The following DLGAP2 variants were observed in gnomAD, a reference collection of about 807,000 sequenced individuals.
DLGAP2 encodes DLG associated protein 2.
Under a neutral mutation model 100.3 loss-of-function variants are expected in DLGAP2, and 26 were observed. That is an observed-to-expected ratio of 0.26 (90% CI 0.19 to 0.36). DLGAP2 has a LOEUF of 0.36. DLGAP2 is among the 10% of genes least tolerant of loss of function. The probability of loss-of-function intolerance (pLI) is 1.00; values close to 1 mark genes in which losing one functional copy is unlikely to be tolerated. For missense variants in DLGAP2, 1,858 were observed against 1,453.2 expected, an observed-to-expected ratio of 1.28 and a Z score of -4.53; for synonymous variants, 886 against 630.1, an observed-to-expected ratio of 1.41 and a Z score of -6.08.
At chr8:1,634,609 T>A (rs1299101819) in intron 8 of DLGAP2, among the ~76,000 whole-genome samples, 9 of 152,214 alleles carry the variant, frequency 5.9e-5, no homozygotes, top group Non-Finnish European at 2.9e-5. Context: ...AGATTTACAA[T>A]GATTGCATTG....
intron 1 of DLGAP2, among the ~76,000 whole-genome samples, chr8:840,489 C>T (rs1585919555): frequency 7.6e-6 from 1 of 131,314 alleles, no homozygotes; most frequent in East Asian, 2.4e-4. Context: ...CGTCTCCCTA[C>T]ACTCTGGATT....
chr8:755,435 C>A (rs143664783), intron 1 of DLGAP2, among the ~76,000 whole-genome samples: 13 of 152,030 alleles, frequency 8.6e-5, no homozygotes, highest in South Asian at 2.1e-4. Context: ...CCAGCCTGGG[C>A]GACAGAGCAA....
chr8:960,340 A>G (rs897544891), intron 2 of DLGAP2, among the ~76,000 whole-genome samples: 1 of 143,384 alleles, frequency 7.0e-6, no homozygotes, highest in African/African-American at 2.6e-5. Context: ...GCTTCAATCG[A>G]TTCTCGTGCC....
At chr8:1,628,868 G>T (rs1236753535) in intron 7 of DLGAP2, among the ~76,000 whole-genome samples, 5 of 152,240 alleles carry the variant, frequency 3.3e-5, no homozygotes, top group African/African-American at 1.2e-4. Flanking sequence ...CTGGGCCAAG[G>T]CCTGGGCTTT....
chr8:1,291,832 A>T (rs1800066953), intron 3 of DLGAP2, among the ~76,000 whole-genome samples: 1 of 152,168 alleles, frequency 6.6e-6, no homozygotes, highest in South Asian at 2.1e-4. Flanking sequence ...CACACTTTGT[A>T]CTGCTCAGCA....
chr8:907,842 A>C (rs1485526091), intron 1 of DLGAP2, 70 bp from the exon 2 acceptor site: 1 of 398,132 alleles, frequency 2.5e-6, no homozygotes, highest in Non-Finnish European at 4.4e-6. Flanking sequence ...AAACACTCGC[A>C]ACAGTTAATG....
At chr8:1,559,616 G>C (rs1015613439) in intron 5 of DLGAP2, among the ~76,000 whole-genome samples, 1 of 152,016 alleles carries the variant, frequency 6.6e-6, no homozygotes, top group African/African-American at 2.4e-5. Context: ...GGCTGCTGAA[G>C]AAAAAAATCT....
intron 3 of DLGAP2, among the ~76,000 whole-genome samples, chr8:1,388,001 G>A (rs1347766857): frequency 6.6e-6 from 1 of 152,258 alleles, no homozygotes; most frequent in African/African-American, 2.4e-5. Context: ...GGTGGGCGCA[G>A]AGCTGCTGGA....
chr8:1,553,715 C>T (rs577207364), intron 5 of DLGAP2, among the ~76,000 whole-genome samples: 2 of 152,202 alleles, frequency 1.3e-5, no homozygotes, highest in East Asian at 1.9e-4. Context: ...TGCAGCCATT[C>T]GCTGAAGGAC....
chr8:775,358 T>C (rs968741441), intron 1 of DLGAP2, among the ~76,000 whole-genome samples: 3 of 150,932 alleles, frequency 2.0e-5, no homozygotes, highest in African/African-American at 7.3e-5. Flanking sequence ...TCCTGCCTAA[T>C]TGCCCTGGCC....
At chr8:1,562,632 G>T (rs1322437732) in intron 5 of DLGAP2, among the ~76,000 whole-genome samples, 1 of 62,174 alleles carries the variant, frequency 1.6e-5, no homozygotes, top group Non-Finnish European at 3.1e-5. Context: ...GTGGTGTTGG[G>T]GTGTCCGCGC....
intron 6 of DLGAP2, among the ~76,000 whole-genome samples, chr8:1,606,318 G>C (rs1377252958): frequency 6.6e-6 from 1 of 152,136 alleles, no homozygotes; most frequent in Non-Finnish European, 1.5e-5. Context: ...GTGGTTCTTA[G>C]TTTATTTATG....
intron 3 of DLGAP2, among the ~76,000 whole-genome samples, chr8:1,330,674 G>T (rs528219108): frequency 1.4e-5 from 2 of 140,140 alleles, no homozygotes; most frequent in African/African-American, 2.7e-5. Context: ...TGGGAGCACC[G>T]CTTCATGGGG....
At chr8:1,152,692 C>T (rs1796716995) in intron 2 of DLGAP2, among the ~76,000 whole-genome samples, 1 of 152,178 alleles carries the variant, frequency 6.6e-6, no homozygotes, top group Non-Finnish European at 1.5e-5. Flanking sequence ...ATGGGTCTTC[C>T]ACCTCTTGGC....
intron 1 of DLGAP2, among the ~76,000 whole-genome samples, chr8:843,580 C>A (rs1317207133): frequency 1.3e-5 from 2 of 152,242 alleles, no homozygotes; most frequent in Non-Finnish European, 2.9e-5. Flanking sequence ...ACACGGACGC[C>A]ACGTAGATCC....
intron 2 of DLGAP2, among the ~76,000 whole-genome samples, chr8:1,183,250 G>A (rs1439229700): frequency 6.6e-6 from 1 of 152,164 alleles, no homozygotes; most frequent in Non-Finnish European, 1.5e-5. Context: ...TGACAGACAT[G>A]GAGGTTCACG....
At chr8:1,318,606 G>A (rs890753563) in intron 3 of DLGAP2, among the ~76,000 whole-genome samples, 1 of 151,678 alleles carries the variant, frequency 6.6e-6, no homozygotes, top group Non-Finnish European at 1.5e-5. Flanking sequence ...TTCCCCCGCC[G>A]ATGTCGAAAG....
chr8:1,673,699 T>C (rs992424761), intron 10 of DLGAP2, among the ~76,000 whole-genome samples: 2 of 152,224 alleles, frequency 1.3e-5, no homozygotes, highest in African/African-American at 4.8e-5. Context: ...AACTGAGGCA[T>C]TGGGTGTCCC....
At chr8:822,582 C>T (rs927425904) in intron 1 of DLGAP2, among the ~76,000 whole-genome samples, 14 of 152,300 alleles carry the variant, frequency 9.2e-5, no homozygotes, top group Admixed American at 8.5e-4. Context: ...GCGTGTGCTC[C>T]GAATGAATCT....
Sources: allele counts gnomAD v4.1 joint callset (sites outside exome capture counted in the v4.1 genomes callset), GRCh38; gene constraint gnomAD v4.1.1; transcripts MANE v1.5; gene names NCBI Gene and HGNC (gene_info 2026-07-23, HGNC 2026-07-21).